Variants in C4orf50 observed in about 807,000 individuals in gnomAD.
The protein encoded by C4orf50 is chromosome 4 open reading frame 50.
A neutral mutation model predicts 77.2 loss-of-function variants in C4orf50; 80 were observed. The observed-to-expected ratio is 1.04, with a 90% CI of 0.87 to 1.25. The LOEUF (loss-of-function observed/expected upper bound fraction) is 1.25. Among genes scored for constraint, C4orf50 ranks in the 50% most tolerant of loss-of-function variants. The pLI is 0.00. For missense variants in C4orf50, 1,257 were observed against 1,152.9 expected, an observed-to-expected ratio of 1.09 and a Z score of -1.31; for synonymous variants, 532 against 465.3, an observed-to-expected ratio of 1.14 and a Z score of -1.84.
At chr4:5,898,803 A>C (rs1716231783) in intron 7 of C4orf50, 1 of 152,200 alleles carries the variant, frequency 6.6e-6, no homozygotes, top group Non-Finnish European at 1.5e-5. Context: ...TCATCAGCCC[A>C]TGCTTGGACA....
At chr4:5,927,906 C>G (rs1000646943) in intron 7 of C4orf50, among the ~76,000 whole-genome samples, 1 of 152,192 alleles carries the variant, frequency 6.6e-6, no homozygotes, top group Non-Finnish European at 1.5e-5. Context: ...CCCTCCCCAA[C>G]ACCTGCCTGG....
chr4:5,968,466 G>A (rs1317031925), intron 31 of C4orf50, among the ~76,000 whole-genome samples: 2 of 152,142 alleles, frequency 1.3e-5, no homozygotes, highest in Non-Finnish European at 2.9e-5. Context: ...TCGGTACCAG[G>A]CACAATGCCT....
chr4:6,017,409 G>C lies in C4orf50; in HGVS notation c.287+736C>G, dbSNP rs1381871158. Among the ~76,000 whole-genome samples, 1 of 152,262 alleles carries C rather than the reference G, an allele frequency of 6.6e-6. No homozygotes were observed. The highest frequency in any genetic ancestry group is 2.4e-5 in the African/African-American group (1 of 41,472). On this transcript the variant is annotated intron_variant, in intron 23 of 33. Coordinates refer to ENST00000531445, the Ensembl canonical transcript of C4orf50. This position sits in a 1 kb window ranked among gnomAD's most constrained non-coding sequence, Gnocchi z 4.7. ...GTGGGAGATGTCACTGTGGGAACAAGAGTGACTTTATTTTAAACGCTAATC... is the reference window on the plus strand; with the variant it reads ...GTGGGAGATGTCACTGTGGGAACAACAGTGACTTTATTTTAAACGCTAATC...
chr4:6,016,912 A>T (rs1250644902), intron 23 of C4orf50, among the ~76,000 whole-genome samples: 1 of 152,246 alleles, frequency 6.6e-6, no homozygotes. Context: ...GCAAAAATCC[A>T]AGGCACGTGG....
chr4:5,966,470 C>G (rs1477538800), intron 32 of C4orf50, among the ~76,000 whole-genome samples: 1 of 151,232 alleles, frequency 6.6e-6, no homozygotes, highest in African/African-American at 2.4e-5. Context: ...GGGAGACTCC[C>G]TCTCAAAAAT....
At chr4:5,987,875 G>T (rs1458866416) in intron 28 of C4orf50, among the ~76,000 whole-genome samples, 1 of 152,178 alleles carries the variant, frequency 6.6e-6, no homozygotes, top group Non-Finnish European at 1.5e-5. Context: ...TGGCCTAAAA[G>T]TCACAGCTCT....
Position 5,992,857 on chromosome 4 carries a change from G to T in C4orf50, c.1167C>A (p.Gly389=). The T allele has an allele frequency of 2.5e-6, 1 of 399,156 alleles. No individual in the cohort carries two copies. The allele number at this position is 399,156 out of a possible 1,614,324, so 24.7% of individuals were successfully genotyped here. ...TGGGGAGCTCGCTTGTGGTCTCCGG[G>T]CCTGGAGCCAAAACAGAAGAGGCCC... Residue 389 remains glycine, a synonymous_variant, in exon 27 of 34, where the codon GGC becomes GGA. Transcript: ENST00000531445. The surrounding 1 kb of genome is among the most constrained non-coding windows in gnomAD (Gnocchi z 5.0).
chr4:5,941,387 G>C (rs980615509), intron 7 of C4orf50, among the ~76,000 whole-genome samples: 8 of 152,134 alleles, frequency 5.3e-5, no homozygotes, highest in African/African-American at 1.4e-4. Context: ...CTGGCATGCT[G>C]GTTCTGGTTC....
At chr4:6,004,280 GTGATGT>G (rs1418657670) in intron 25 of C4orf50, among the ~76,000 whole-genome samples, 35 of 42,216 alleles carry the variant, frequency 8.3e-4, no homozygotes, top group East Asian at 5.7e-3. Context: ...GATGGTGATG[GTGATGT>G]TGGTGATGAT....
chr4:5,976,371 G>A (rs961317537), intron 29 of C4orf50, among the ~76,000 whole-genome samples: 6 of 151,712 alleles, frequency 4.0e-5, no homozygotes, highest in Admixed American at 3.9e-4. Context: ...CAGGAGAACG[G>A]CGTAAACCCA....
intron 7 of C4orf50, among the ~76,000 whole-genome samples, chr4:5,933,462 G>A (rs55972810): frequency 0.089 from 13,548 of 152,182 alleles, 689 homozygotes; most frequent in African/African-American, 0.11. Context: ...ATCTGCTGTG[G>A]GGCTGACCCC....
At chr4:5,994,080 C>A (rs921190590) in intron 26 of C4orf50, among the ~76,000 whole-genome samples, 4 of 152,116 alleles carry the variant, frequency 2.6e-5, no homozygotes, top group African/African-American at 9.7e-5. Flanking sequence ...TGGCTGGCAC[C>A]CTCCCGAGGG....
Position 5,980,075 on chromosome 4 carries a change from T to A in C4orf50, c.3864+99A>T, listed in dbSNP as rs1720490137. 1.2e-5 allele frequency: 12 copies of A among 962,950 alleles called. No homozygotes were observed. In the Admixed American group the frequency reaches 3.5e-4, roughly 28 times the overall value. 59.7% of individuals were successfully genotyped at this position (962,950 alleles called of 1,614,324 possible). On this transcript the variant is annotated intron_variant, in intron 29 of 33. Coordinates refer to ENST00000531445, the Ensembl canonical transcript of C4orf50. The stretch of plus-strand genomic sequence containing the variant: ...AATCCAGTACCTGCTCCCAACTGGC[T>A]GGGTCAAGAAGACCTCAGCAAATCT...
At chr4:5,918,449 G>A (rs879737068) in intron 7 of C4orf50, among the ~76,000 whole-genome samples, 1 of 152,126 alleles carries the variant, frequency 6.6e-6, no homozygotes, top group Admixed American at 6.5e-5. Flanking sequence ...ACAACCCAAT[G>A]TCCTCCCACA....
At chr4:5,937,101 T>C (rs762524577) in intron 7 of C4orf50, among the ~76,000 whole-genome samples, 2 of 151,716 alleles carry the variant, frequency 1.3e-5, no homozygotes, top group African/African-American at 2.4e-5. Flanking sequence ...AAAAGAATAC[T>C]AGTAAGGAAT....
exon 8 of C4orf50, chr4:5,898,025 G>C (rs1268939293): frequency 6.6e-6 from 1 of 152,268 alleles, no homozygotes; most frequent in Non-Finnish European, 1.5e-5. Context: ...AGACCTTGTA[G>C]ATTCATGCAA....
intron 7 of C4orf50, among the ~76,000 whole-genome samples, chr4:5,911,375 C>A (rs1031659364): frequency 6.6e-6 from 1 of 152,224 alleles, no homozygotes; most frequent in Non-Finnish European, 1.5e-5. Context: ...ACAACTCCAA[C>A]TATTGGGGAA....
At chr4:5,962,700 C>A (rs570323880) in intron 33 of C4orf50, among the ~76,000 whole-genome samples, 15 of 152,236 alleles carry the variant, frequency 9.9e-5, no homozygotes, top group Non-Finnish European at 1.5e-4. Flanking sequence ...ACCTTTGCCC[C>A]CTCTGTGCCT....
At chr4:5,959,655 T>C (rs1719166157) in intron 33 of C4orf50, 29 bp from the exon 12 acceptor site, 1 of 1,595,932 alleles carries the variant, frequency 6.3e-7, no homozygotes. Flanking sequence ...TGAAATGGTC[T>C]CTGCGTCCAC....
Sources: allele counts gnomAD v4.1 joint callset (sites outside exome capture counted in the v4.1 genomes callset), GRCh38; gene constraint gnomAD v4.1.1; non-coding constraint Gnocchi (gnomAD v3.1); transcripts MANE v1.5; gene names NCBI Gene and HGNC (gene_info 2026-07-23, HGNC 2026-07-21).